The following TSPAN3 variants were observed in gnomAD, a reference collection of about 807,000 sequenced individuals.
The protein encoded by TSPAN3 is tetraspanin 3.
A neutral mutation model predicts 31.1 loss-of-function variants in TSPAN3; 9 were observed. The observed-to-expected ratio is 0.29, with a 90% CI of 0.17 to 0.50. The LOEUF is 0.50. Among genes scored for constraint, TSPAN3 ranks in the 20% least tolerant of loss-of-function variants. The pLI, the probability that TSPAN3 is intolerant of heterozygous loss-of-function variation, is 0.98. For synonymous variants in TSPAN3, 129 were observed against 114.3 expected (o/e 1.13, Z -0.82); for missense variants, 252 against 313.5 (o/e 0.80, Z 1.48).
At chr15:77,048,936 C>A (rs2076710648) in intron 6 of TSPAN3, among the ~76,000 whole-genome samples, 1 of 152,140 alleles carries the variant, frequency 6.6e-6, no homozygotes, top group Admixed American at 6.5e-5. Context: ...TAGAAACACT[C>A]TTTTCTGAGA....
rs1211354406 is a variant in TSPAN3, at chr15:77,052,359, A to G, written c.669+26T>C. ...CAACAGAGAACCAACTCACTCCGAT[A>G]GAACTCCTTGGCAAGCTGTGCTTAC... is the stretch of plus-strand genomic sequence containing the variant. On this transcript the variant is annotated intron_variant, in intron 6 of 6. Transcript: ENST00000267970. The G allele has an allele frequency of 1.9e-6, 3 of 1,608,730 alleles. No homozygotes were observed. The East Asian group carries it at 6.7e-5, about 36-fold the overall frequency.
intron 2 of TSPAN3, 69 bp downstream of exon 2, chr15:77,055,995 A>C (rs929752200): frequency 5.2e-6 from 8 of 1,526,452 alleles, no homozygotes; most frequent in East Asian, 4.5e-5. Context: ...TATAAGAGCC[A>C]AGGAGTCTCA....
chr15:77,068,370 A>T, intron 1 of TSPAN3: 1 of 152,246 alleles, frequency 6.6e-6, no homozygotes, highest in East Asian at 1.9e-4. Context: ...TCACTGGAAT[A>T]ACAGTACATA....
At position 77,070,591 on chromosome 15, in the gene TSPAN3, G is replaced by GGGA. The variant is rs1221783611; in HGVS notation, c.63+300_63+301insTCC. ...GTCCAGCCGGCGACTCCGGGGGGGG[G>GGGA]AGACTGGGGCGCCTGGCACGGAGCC... is the stretch of plus-strand genomic sequence containing the variant. On this transcript the variant is annotated intron_variant, in intron 1 of 6. Coordinates refer to ENST00000267970, the MANE Select transcript of TSPAN3 (RefSeq NM_005724.6). 1.7e-4 allele frequency among the ~76,000 whole-genome samples: 26 copies of GGGA among 152,088 alleles called. No homozygotes were observed. In the East Asian group the frequency reaches 3.9e-3, roughly 23 times the overall value.
At chr15:77,049,061 T>C (rs1003788747) in intron 6 of TSPAN3, among the ~76,000 whole-genome samples, 3 of 152,204 alleles carry the variant, frequency 2.0e-5, no homozygotes, top group African/African-American at 7.2e-5. Flanking sequence ...GCCTATAAAA[T>C]GGAATACTAT....
At position 77,046,331 on chromosome 15, in the gene TSPAN3, T is replaced by C; in HGVS notation, c.*504A>G. On this transcript the variant is annotated 3_prime_UTR_variant, in exon 7 of 7. Coordinates refer to ENST00000267970, the MANE Select transcript of TSPAN3 (RefSeq NM_005724.6). ...ATCCTACAATCTATTTTAGTCATTT[T>C]GTACAGCTGCTATCTTATTGGACTA... 2.5e-6 allele frequency: 1 copy of C among 400,648 alleles called. No homozygotes were observed. Among genetic ancestry groups the C allele is most frequent in the Non-Finnish European group, 4.4e-6 (1 of 227,056 alleles). The allele number at this position is 400,648 out of a possible 1,614,324, so 24.8% of individuals were successfully genotyped here.
At chr15:77,070,137 G>A (rs1332332295) in intron 1 of TSPAN3, 1 of 152,170 alleles carries the variant, frequency 6.6e-6, no homozygotes, top group Non-Finnish European at 1.5e-5. Flanking sequence ...AAACTAAGAT[G>A]ACATAAACAT....
rs914641115 is a variant in TSPAN3 at position 77,044,844 on chromosome 15, C to T, written c.*1991G>A. 1.3e-5 allele frequency: 2 copies of T among 152,170 alleles called. No homozygotes were observed. The highest frequency in any genetic ancestry group is 4.8e-5 in the African/African-American group (2 of 41,408). The allele number at this position is 152,170 out of a possible 1,614,324, so 9.4% of individuals were successfully genotyped here. A position where few individuals can be genotyped will look rare whatever the true frequency, so the allele number is the denominator to read the frequency against. ...CCCACAGGATGGTTCATATTGAAAA[C>T]TGGGGGGACCATGCTCGGGGGAGGT... is the stretch of plus-strand genomic sequence containing the variant. On this transcript the variant is annotated 3_prime_UTR_variant, in exon 7 of 7. Transcript: ENST00000267970.
At chr15:77,070,770 C>T (rs2076863819) in intron 1 of TSPAN3, 122 bp downstream of exon 1, 1 of 393,560 alleles carries the variant, frequency 2.5e-6, no homozygotes, top group South Asian at 9.9e-5. Context: ...CCTCAGCCGC[C>T]TGAGGGCCCG....
At chr15:77,067,555 G>C (rs2076840894) in intron 1 of TSPAN3, 1 of 152,136 alleles carries the variant, frequency 6.6e-6, no homozygotes, top group Admixed American at 6.5e-5. Flanking sequence ...GCCTACAGTT[G>C]CCCAAGGGAA....
rs1434298171 is a variant in TSPAN3, at chr15:77,042,717, G to C, written c.*4118C>G. On this transcript the variant is annotated 3_prime_UTR_variant, in exon 7 of 7. Transcript: ENST00000267970. ...TCGCTTGGCAGTCATCATAAAGATT[G>C]AATCAGGCCAGAATCAGCAACATTT... 6.6e-6 allele frequency: 1 copy of C among 152,130 alleles called. No homozygotes were observed. The highest frequency in any genetic ancestry group is 2.4e-5 in the African/African-American group (1 of 41,410). The allele number at this position is 152,130 out of a possible 1,614,324, so 9.4% of individuals were successfully genotyped here.
chr15:77,052,508 A>G (rs200985409), intron 5 of TSPAN3, 40 bp from the exon 6 acceptor site: 12 of 1,591,552 alleles, frequency 7.5e-6, no homozygotes, highest in Non-Finnish European at 1.7e-6. Flanking sequence ...AGTGTTCTTT[A>G]AAAGTTAAAG....
Position 77,070,907 on chromosome 15 carries a change from G to A in TSPAN3, c.48C>T (p.Leu16=). 1 of 1,424,962 alleles carries A rather than the reference G, an allele frequency of 7.0e-7. No individual in the cohort carries two copies. The highest frequency in any genetic ancestry group is 9.3e-7 in the Non-Finnish European group (1 of 1,078,628). The allele number at this position is 1,424,962 out of a possible 1,614,324, so 88.3% of individuals were successfully genotyped here. A position where few individuals can be genotyped will look rare whatever the true frequency, so the allele number is the denominator to read the frequency against. Residue 16 remains leucine, a synonymous_variant, in exon 1 of 7, where the codon CTC becomes CTT. Coordinates refer to ENST00000267970, the MANE Select transcript of TSPAN3 (RefSeq NM_005724.6). ...CCCCGCTCACCCAGAAGATGAGGTT[G>A]AGAAAGACCAGCACGGTCTTGGAGG... ...ITSSKTVLVF[L]NLIFWGAAGI...
Position 77,071,023 on chromosome 15 carries a change from G to C in TSPAN3, c.-69C>G, listed in dbSNP as rs1465520695. ...CGCTCACCGAGAGAGCGGCAATGGC[G>C]GCGGCGCCTCCTCGCTAGGAACTGC... On this transcript the variant is annotated 5_prime_UTR_variant, in exon 1 of 7. Coordinates refer to ENST00000267970, the MANE Select transcript of TSPAN3 (RefSeq NM_005724.6). 10 of 1,182,804 alleles carry C rather than the reference G, an allele frequency of 8.5e-6. No homozygotes were observed. Among genetic ancestry groups the C allele is most frequent in the Admixed American group, 4.2e-5 (1 of 24,008 alleles). The allele number at this position is 1,182,804 out of a possible 1,614,324, so 73.3% of individuals were successfully genotyped here.
intron 1 of TSPAN3, among the ~76,000 whole-genome samples, chr15:77,059,061 TTTAATTTATC>T (rs1234538962): frequency 6.6e-6 from 1 of 151,494 alleles, no homozygotes; most frequent in Non-Finnish European, 1.5e-5. Context: ...AGAGAAATAG[TTTAATTTATC>T]TTAATTTTAT....
In TSPAN3 at chr15:77,052,416, A is replaced by T. The variant is rs2152695700; in HGVS notation, c.638T>A (p.Ile213Asn). The T allele has an allele frequency of 6.2e-7, 1 of 1,614,228 alleles. No homozygotes were observed. The highest frequency in any genetic ancestry group is 8.5e-7 in the Non-Finnish European group (1 of 1,180,036). Residue 213 changes from isoleucine to asparagine, a missense_variant, in exon 6 of 7, where the codon ATC (isoleucine) becomes AAC (asparagine). By Grantham distance (149) the Ile-to-Asn change is moderately radical. Coordinates refer to ENST00000267970, the MANE Select transcript of TSPAN3 (RefSeq NM_005724.6). Reference protein sequence around the residue: ...KKLQEIMMHVIWAALAFAAIQ... With the variant: ...KKLQEIMMHVNWAALAFAAIQ... The stretch of plus-strand genomic sequence containing the variant: ...AGCTGCAAATGCCAGTGCGGCCCAG[A>T]TCACATGCATCATGATTTCTTGTAG...
At chr15:77,068,857 G>C (rs1305275512) in intron 1 of TSPAN3, among the ~76,000 whole-genome samples, 2 of 152,160 alleles carry the variant, frequency 1.3e-5, no homozygotes, top group Non-Finnish European at 2.9e-5. Flanking sequence ...TGGTGTATAT[G>C]TGCCGCATTT....
chr15:77,068,368 A>G (rs2076846393), intron 1 of TSPAN3: 1 of 152,250 alleles, frequency 6.6e-6, no homozygotes, highest in Non-Finnish European at 1.5e-5. Context: ...CTTCACTGGA[A>G]TAACAGTACA....
intron 5 of TSPAN3, 31 bp downstream of exon 5, chr15:77,052,746 G>A (rs1041503401): frequency 1.9e-5 from 31 of 1,606,024 alleles, no homozygotes; most frequent in Non-Finnish European, 2.6e-5. Flanking sequence ...GGTTAATCAA[G>A]CTAGACTCAA....
Sources: gnomAD v4.1 joint callset for allele counts (sites outside exome capture counted in the v4.1 genomes callset) on GRCh38, gnomAD v4.1.1 for gene constraint, MANE v1.5 for transcripts, NCBI Gene and HGNC (gene_info 2026-07-23, HGNC 2026-07-21) for gene names.